The following GRM5 variants were observed in gnomAD, a reference collection of about 807,000 sequenced individuals.
GRM5 encodes metabotropic glutamate receptor 5.
Under a neutral mutation model 83.1 loss-of-function variants are expected in GRM5, and 19 were observed. The observed-to-expected ratio is 0.23, with a 90% CI of 0.16 to 0.34. The LOEUF (loss-of-function observed/expected upper bound fraction) is 0.34. GRM5 is among the 10% of genes least tolerant of loss of function. GRM5 has a pLI of 1.00. For missense variants in GRM5, 1,160 were observed against 1,588.3 expected (o/e 0.73, Z 4.58); for synonymous variants, 675 against 633.6 (o/e 1.07, Z -0.98).
intron 2 of GRM5, among the ~76,000 whole-genome samples, chr11:88,871,290 G>T (rs1010861837): frequency 1.3e-5 from 2 of 151,436 alleles, no homozygotes; most frequent in African/African-American, 4.8e-5. Flanking sequence ...CACAGAATAA[G>T]AACTTAAAAT....
chr11:88,508,867 C>T lies in GRM5; in HGVS notation c.3364G>A (p.Glu1122Lys), dbSNP rs764586864. The change falls in exon 10 of 10, where the codon GAA (glutamate) becomes AAA (lysine). Residue 1122 changes from glutamate (E) to lysine (K), a missense_variant. Transcript: ENST00000305447. This position sits in a 1 kb window ranked among gnomAD's most constrained non-coding sequence, Gnocchi z 4.2. ...GCGGGCTGCGCGCCTCCCGTGACTT[C>T]GATGGCCGGCAGAGGCTGGATTTCG... ...FAEIQPLPAI[E>K]VTGGAQPAAG... 2.1e-4 allele frequency: 329 copies of T among 1,583,768 alleles called. No individual in the cohort carries two copies. The highest frequency in any genetic ancestry group is 2.7e-4 in the Non-Finnish European group (319 of 1,166,560).
chr11:88,581,253 C>T (rs1047129213), intron 7 of GRM5, among the ~76,000 whole-genome samples: 1 of 152,170 alleles, frequency 6.6e-6, no homozygotes, highest in Non-Finnish European at 1.5e-5. Flanking sequence ...ACTTTATTAA[C>T]AGTAGAGTGA....
intron 2 of GRM5, among the ~76,000 whole-genome samples, chr11:88,885,457 T>G (rs1228577318): frequency 0.13 from 1,897 of 14,802 alleles, 386 homozygotes; most frequent in South Asian, 0.41. Flanking sequence ...CATGTTTTTT[T>G]TTTTTTTTTT....
chr11:88,919,306 G>A (rs1313735186), intron 2 of GRM5, among the ~76,000 whole-genome samples: 2 of 117,894 alleles, frequency 1.7e-5, no homozygotes, highest in African/African-American at 2.8e-5. Context: ...GGCAAAGAAA[G>A]TCATTATATA....
At chr11:88,950,902 A>AG (rs1299352402) in intron 2 of GRM5, among the ~76,000 whole-genome samples, 1 of 152,244 alleles carries the variant, frequency 6.6e-6, no homozygotes, top group African/African-American at 2.4e-5. Context: ...TACTTGTGAG[A>AG]GAAATTGTAA....
chr11:88,790,152 C>T (rs186038068), intron 3 of GRM5, among the ~76,000 whole-genome samples: 1 of 152,360 alleles, frequency 6.6e-6, no homozygotes, highest in Admixed American at 6.5e-5. Context: ...GCATGAACCA[C>T]TGCACCTGGC....
chr11:88,604,971 G>A lies in GRM5; in HGVS notation c.1148-7C>T, dbSNP rs1344623677. On this transcript the variant is annotated splice_region_variant and splice_polypyrimidine_tract_variant and intron_variant, in intron 4 of 9. Transcript: ENST00000305447. ...GTTTTCAGAGTCAGAGAACCTGTTG[G>A]GAAACAAATTAAGCATAGCTTTGAG... The A allele has an allele frequency of 6.2e-7, 1 of 1,609,522 alleles. No homozygotes were observed. The highest frequency in any genetic ancestry group is 1.3e-5 in the African/African-American group (1 of 74,914).
chr11:88,713,786 T>TG (rs1941337716), intron 3 of GRM5, among the ~76,000 whole-genome samples: 1 of 152,018 alleles, frequency 6.6e-6, no homozygotes, highest in Non-Finnish European at 1.5e-5. Flanking sequence ...TAAATTCATT[T>TG]GGGGGCCTAA....
At chr11:88,975,049 C>G (rs1358485812) in intron 2 of GRM5, among the ~76,000 whole-genome samples, 1 of 152,136 alleles carries the variant, frequency 6.6e-6, no homozygotes, top group Admixed American at 6.5e-5. Flanking sequence ...ATGGGACATA[C>G]TTGTGCAGAT....
At chr11:88,663,462 A>C (rs772487832) in intron 3 of GRM5, among the ~76,000 whole-genome samples, 26 of 152,216 alleles carry the variant, frequency 1.7e-4, no homozygotes, top group Non-Finnish European at 1.5e-5. Context: ...AGAAATGCAA[A>C]AATTGAGGCT....
intron 8 of GRM5, among the ~76,000 whole-genome samples, chr11:88,545,594 A>G (rs968265197): frequency 2.6e-5 from 4 of 152,002 alleles, no homozygotes; most frequent in African/African-American, 7.2e-5. Flanking sequence ...ACAGGTCCAA[A>G]TCCTCCATTC....
intron 2 of GRM5, among the ~76,000 whole-genome samples, chr11:89,028,513 T>C (rs1361508511): frequency 6.6e-6 from 1 of 152,198 alleles, no homozygotes; most frequent in Non-Finnish European, 1.5e-5. Context: ...GGAAGATCAC[T>C]TGAGCCTGAG....
chr11:89,031,413 A>G (rs1262966652), intron 2 of GRM5, among the ~76,000 whole-genome samples: 1 of 151,950 alleles, frequency 6.6e-6, no homozygotes, highest in Non-Finnish European at 1.5e-5. Flanking sequence ...TAAATATCAC[A>G]TATTTATGTT....
At chr11:89,015,163 A>G (rs767475041) in intron 2 of GRM5, among the ~76,000 whole-genome samples, 6 of 152,216 alleles carry the variant, frequency 3.9e-5, no homozygotes, top group Non-Finnish European at 5.9e-5. Context: ...TGAACTTCAA[A>G]TCCTTTATTG....
chr11:88,905,213 G>A (rs1200030225), intron 2 of GRM5, among the ~76,000 whole-genome samples: 2 of 152,200 alleles, frequency 1.3e-5, no homozygotes, highest in African/African-American at 2.4e-5. Context: ...TAACATCTCT[G>A]AGTACATGTT....
chr11:88,629,067 G>A (rs10831183), intron 4 of GRM5, among the ~76,000 whole-genome samples: 6,935 of 152,206 alleles, frequency 0.046, 293 homozygotes, highest in African/African-American at 0.12. Context: ...TCAGGAAAAG[G>A]AAATGGATTT....
At chr11:88,992,170 G>C (rs1000277625) in intron 2 of GRM5, among the ~76,000 whole-genome samples, 7 of 151,934 alleles carry the variant, frequency 4.6e-5, no homozygotes, top group African/African-American at 1.7e-4. Context: ...AAATTTACAA[G>C]AAAGAAACAA....
Position 88,935,982 on chromosome 11 carries a change from T to C in GRM5, c.662-85827A>G, listed in dbSNP as rs933020517. Among the ~76,000 whole-genome samples the C allele has an allele frequency of 2.0e-5, 3 of 151,938 alleles. No homozygotes were observed. In the East Asian group the frequency reaches 5.8e-4, roughly 29 times the overall value. On this transcript the variant is annotated intron_variant, in intron 2 of 9. Coordinates refer to ENST00000305447, the MANE Select transcript of GRM5 (RefSeq NM_001143831.3). ...TTAGATGACATCAAGAATAAATCTA[T>C]TTTAATGCTTTTGTCACATATTATT... is the stretch of plus-strand genomic sequence containing the variant.
chr11:88,746,856 TG>T (rs1180872512), intron 3 of GRM5, among the ~76,000 whole-genome samples: 2 of 152,286 alleles, frequency 1.3e-5, no homozygotes, highest in African/African-American at 4.8e-5. Flanking sequence ...AAAAATTTAA[TG>T]GAGTCAAGAA....
Sources: allele counts gnomAD v4.1 joint callset (sites outside exome capture counted in the v4.1 genomes callset), GRCh38; gene constraint gnomAD v4.1.1; non-coding constraint Gnocchi (gnomAD v3.1); transcripts MANE v1.5; gene names NCBI Gene and HGNC (gene_info 2026-07-23, HGNC 2026-07-21).